The following DNAH11 variants were observed in gnomAD, a reference collection of about 807,000 sequenced individuals.
DNAH11 encodes dynein axonemal heavy chain 11, also known as axonemal beta dynein heavy chain 11.
A neutral mutation model predicts 526.0 loss-of-function variants in DNAH11; 442 were observed. The ratio of observed to expected loss-of-function variants is 0.84; its 90% CI spans 0.78 to 0.91. The LOEUF (loss-of-function observed/expected upper bound fraction) is 0.91, where lower values mean the gene tolerates loss of function less well. Ranked by LOEUF, DNAH11 falls within the 40% of genes least tolerant of loss-of-function variation. The pLI is 0.00. For synonymous variants in DNAH11, 2,461 were observed against 1,935.9 expected (o/e 1.27, Z -7.12); for missense variants, 6,989 against 5,448.7 (o/e 1.28, Z -8.90).
intron 28 of DNAH11, among the ~76,000 whole-genome samples, chr7:21,639,491 T>C (rs967224387): frequency 6.6e-6 from 1 of 152,222 alleles, no homozygotes; most frequent in Admixed American, 6.5e-5. Flanking sequence ...ATTGGGCTTA[T>C]CTTCAGTGCT....
intron 28 of DNAH11, among the ~76,000 whole-genome samples, chr7:21,640,546 C>T (rs1454151306): frequency 6.6e-6 from 1 of 151,816 alleles, no homozygotes; most frequent in South Asian, 2.1e-4. Flanking sequence ...ACAGTGAACA[C>T]TTATGTGACT....
intron 25 of DNAH11, among the ~76,000 whole-genome samples, chr7:21,621,943 A>G (rs1786082687): frequency 1.3e-5 from 2 of 152,290 alleles, no homozygotes; most frequent in South Asian, 2.1e-4. Context: ...ACTCCTATTC[A>G]ACATAGTGTT....
intron 80 of DNAH11, among the ~76,000 whole-genome samples, chr7:21,899,756 A>G (rs1784681136): frequency 6.6e-6 from 1 of 152,210 alleles, no homozygotes; most frequent in African/African-American, 2.4e-5. Context: ...ACCACAGACA[A>G]TCCACAAATG....
chr7:21,724,526 T>G (rs1370334977), intron 44 of DNAH11, among the ~76,000 whole-genome samples: 1 of 152,206 alleles, frequency 6.6e-6, no homozygotes, highest in African/African-American at 2.4e-5. Flanking sequence ...ACACACACAG[T>G]ATTTTTAAGA....
At chr7:21,858,738 A>G (rs555674608) in intron 68 of DNAH11, among the ~76,000 whole-genome samples, 1 of 152,358 alleles carries the variant, frequency 6.6e-6, no homozygotes, top group African/African-American at 2.4e-5. Flanking sequence ...TAGGCTGTAA[A>G]TAGGCACATG....
chr7:21,685,479 A>G (rs1297744323), intron 32 of DNAH11, among the ~76,000 whole-genome samples: 2 of 152,206 alleles, frequency 1.3e-5, no homozygotes, highest in East Asian at 3.8e-4. Flanking sequence ...AAATGTTTCC[A>G]TTTCCATTTC....
intron 25 of DNAH11, among the ~76,000 whole-genome samples, chr7:21,622,292 A>G (rs1786100643): frequency 6.6e-6 from 1 of 152,164 alleles, no homozygotes; most frequent in Non-Finnish European, 1.5e-5. Flanking sequence ...AAGGAGAACT[A>G]CAAACCACTG....
intron 42 of DNAH11, among the ~76,000 whole-genome samples, chr7:21,713,498 G>T (rs78773180): frequency 6.6e-6 from 1 of 152,096 alleles, no homozygotes; most frequent in Non-Finnish European, 1.5e-5. Context: ...TTTCCTTCCA[G>T]GTTCTGGCAG....
At chr7:21,807,416 T>G (rs7781396) in intron 62 of DNAH11, among the ~76,000 whole-genome samples, 45,228 of 152,160 alleles carry the variant, frequency 0.3, 8,860 homozygotes, top group Non-Finnish European at 0.43. Flanking sequence ...AGAAGATGGC[T>G]TAAGCCCAGG....
intron 31 of DNAH11, 137 bp from the exon 32 acceptor site, chr7:21,683,647 A>C: frequency 3.5e-6 from 3 of 861,014 alleles, no homozygotes; most frequent in Non-Finnish European, 5.1e-6. Context: ...ATATGCTATT[A>C]TAATTTGCAA....
At chr7:21,646,095 G>C (rs1174188192) in intron 28 of DNAH11, among the ~76,000 whole-genome samples, 1 of 151,934 alleles carries the variant, frequency 6.6e-6, no homozygotes. Context: ...AAAAAACAAA[G>C]GCAGATTATC....
chr7:21,660,701 G>A (rs1011246884), intron 30 of DNAH11, among the ~76,000 whole-genome samples: 8 of 151,764 alleles, frequency 5.3e-5, no homozygotes, highest in African/African-American at 1.9e-4. Context: ...CTTTATGAAT[G>A]TATAGACATG....
Position 21,571,960 on chromosome 7 carries a change from A to C in DNAH11, c.1580A>C (p.Asp527Ala). 6.4e-7 allele frequency: 1 copy of C among 1,571,024 alleles called. No homozygotes were observed. The highest frequency in any genetic ancestry group is 8.6e-7 in the Non-Finnish European group (1 of 1,162,500). ...AAACAGAGCACTTATGACCCATCTG[A>C]TTGCACTAACATGGTAATGTTGTAC... ...LFKQSTYDPS[D>A]CTNMEFESDY... The change falls in exon 8 of 82, where the codon GAT becomes GCT. Residue 527 changes from aspartate (D) to alanine (A), a missense_variant. Transcript: ENST00000409508.
Position 21,901,011 on chromosome 7 carries a change from C to A in DNAH11, c.13308C>A (p.Ala4436=), listed in dbSNP as rs374236716. Residue 4436 remains alanine (A), a synonymous_variant, in exon 82 of 82, where the codon GCC becomes GCA. Transcript: ENST00000409508. ...AYLHGLFMEG[A]RWDTQAGTIV... ...ACCGCTGTGTTTTTGCCATAGGCGC[C>A]CGCTGGGACACCCAAGCAGGAACCA... 2 of 1,589,860 alleles carry A rather than the reference C, an allele frequency of 1.3e-6. No homozygotes were observed. The highest frequency in any genetic ancestry group is 1.4e-5 in the African/African-American group (1 of 73,956).
At chr7:21,806,576 C>G (rs1029781737) in intron 62 of DNAH11, among the ~76,000 whole-genome samples, 2 of 152,144 alleles carry the variant, frequency 1.3e-5, no homozygotes, top group Admixed American at 6.5e-5. Flanking sequence ...AACTGGCATT[C>G]CAATCCATTC....
intron 65 of DNAH11, among the ~76,000 whole-genome samples, chr7:21,826,381 T>C (rs1347322836): frequency 1.3e-5 from 2 of 152,188 alleles, no homozygotes; most frequent in African/African-American, 4.8e-5. Context: ...ATAGGAATTA[T>C]GTTTCTTTTT....
chr7:21,638,690 G>GT (rs1786978000), intron 27 of DNAH11, among the ~76,000 whole-genome samples: 3 of 93,272 alleles, frequency 3.2e-5, no homozygotes, highest in African/African-American at 1.3e-4. Context: ...ACAGCTAATG[G>GT]GGTGTGTGTG....
At chr7:21,892,809 C>G (rs1182303845) in intron 77 of DNAH11, 142 bp downstream of exon 77, 1 of 983,090 alleles carries the variant, frequency 1.0e-6, no homozygotes. Context: ...AATAACATTT[C>G]CAACACTCCA....
intron 57 of DNAH11, 29 bp downstream of exon 57, chr7:21,779,133 G>A (rs759717747): frequency 5.0e-5 from 80 of 1,594,788 alleles, no homozygotes; most frequent in Non-Finnish European, 6.4e-5. Context: ...TTTAGAGTGC[G>A]GAGCTATATT....
Sources: allele counts gnomAD v4.1 joint callset (sites outside exome capture counted in the v4.1 genomes callset), GRCh38; gene constraint gnomAD v4.1.1; transcripts MANE v1.5; gene names NCBI Gene and HGNC (gene_info 2026-07-23, HGNC 2026-07-21).